Variants in METTL25 observed in about 807,000 individuals in gnomAD.
The protein encoded by METTL25 is probable methyltransferase-like protein 25.
A neutral mutation model predicts 71.6 loss-of-function variants in METTL25; 64 were observed. That is an observed-to-expected ratio of 0.89 (90% CI 0.73 to 1.10). METTL25 has a LOEUF of 1.10. Among genes scored for constraint, METTL25 ranks in the 50% least tolerant of loss-of-function variants. The probability of loss-of-function intolerance (pLI) is 0.00; values close to 1 mark genes in which losing one functional copy is unlikely to be tolerated. For missense variants in METTL25, 807 were observed against 707.0 expected (o/e 1.14, Z -1.60); for synonymous variants, 287 against 250.3 (o/e 1.15, Z -1.38).
rs778622172 is a variant in METTL25, at chr12:82,358,562, C to T, written c.-4C>T. 1.3e-5 allele frequency: 21 copies of T among 1,609,142 alleles called. No individual in the cohort carries two copies. The highest frequency in any genetic ancestry group is 3.3e-5 in the Admixed American group (2 of 59,988). On this transcript the variant is annotated 5_prime_UTR_variant, in exon 1 of 12. Coordinates refer to ENST00000248306, the MANE Select transcript of METTL25 (RefSeq NM_032230.3). ...GCCACCTACAGCCTCGGAGGGTGAG[C>T]GTCATGGCGGCTTCTTGCCCTCTCC... is the stretch of plus-strand genomic sequence containing the variant.
intron 8 of METTL25, among the ~76,000 whole-genome samples, chr12:82,455,885 A>G (rs1891457440): frequency 1.3e-5 from 2 of 151,920 alleles, no homozygotes; most frequent in South Asian, 4.1e-4. Flanking sequence ...GGTGAAGAAG[A>G]GAGACTTCAG....
intron 9 of METTL25, among the ~76,000 whole-genome samples, chr12:82,461,530 T>C (rs1041650144): frequency 3.3e-4 from 49 of 149,258 alleles, no homozygotes; most frequent in African/African-American, 1.2e-3. Flanking sequence ...GTCATACTTA[T>C]ATAACTTATT....
chr12:82,387,435 A>G (rs1292512466), intron 2 of METTL25, among the ~76,000 whole-genome samples: 1 of 152,088 alleles, frequency 6.6e-6, no homozygotes, highest in Admixed American at 6.6e-5. Flanking sequence ...AGCCATATCT[A>G]TAATAATATT....
intron 1 of METTL25, among the ~76,000 whole-genome samples, chr12:82,381,042 A>G (rs1884394597): frequency 1.3e-5 from 2 of 152,198 alleles, no homozygotes; most frequent in African/African-American, 4.8e-5. Flanking sequence ...CCTTCAATCC[A>G]TATTGAACAT....
chr12:82,372,741 A>C (rs1883368852), intron 1 of METTL25, among the ~76,000 whole-genome samples: 1 of 152,034 alleles, frequency 6.6e-6, no homozygotes, highest in Admixed American at 6.5e-5. Flanking sequence ...TTGGTGCCTG[A>C]GTGTTTCCCA....
chr12:82,376,781 A>G (rs761939126), intron 1 of METTL25, among the ~76,000 whole-genome samples: 31 of 152,128 alleles, frequency 2.0e-4, no homozygotes, highest in Non-Finnish European at 3.8e-4. Flanking sequence ...TACTTTTTGG[A>G]GGGGGAGAGT....
chr12:82,407,187 T>G (rs1286737909), intron 5 of METTL25, among the ~76,000 whole-genome samples: 1 of 152,146 alleles, frequency 6.6e-6, no homozygotes, highest in Non-Finnish European at 1.5e-5. Flanking sequence ...AAATCATTTT[T>G]GAGTCTTCTA....
chr12:82,387,401 T>C (rs1014625914), intron 2 of METTL25, among the ~76,000 whole-genome samples: 3 of 151,846 alleles, frequency 2.0e-5, no homozygotes, highest in African/African-American at 7.3e-5. Context: ...AAAACAAATA[T>C]GATAATGTGG....
intron 5 of METTL25, 56 bp downstream of exon 5, chr12:82,403,186 T>TCAA: frequency 1.3e-6 from 2 of 1,506,404 alleles, no homozygotes; most frequent in South Asian, 1.2e-5. Context: ...TGAAATATGC[T>TCAA]ATTTCTATTT....
At chr12:82,426,788 C>T (rs1889062824) in intron 5 of METTL25, among the ~76,000 whole-genome samples, 2 of 151,938 alleles carry the variant, frequency 1.3e-5, no homozygotes, top group African/African-American at 4.8e-5. Flanking sequence ...TCCCAGGAAT[C>T]CTGTGTTTCT....
At chr12:82,400,167 CAA>C (rs1045780599) in intron 4 of METTL25, among the ~76,000 whole-genome samples, 2 of 151,252 alleles carry the variant, frequency 1.3e-5, no homozygotes, top group Non-Finnish European at 2.9e-5. Context: ...ACTAAAAATA[CAA>C]AAAAAAATAT....
intron 8 of METTL25, 66 bp downstream of exon 8, chr12:82,438,857 C>G: frequency 7.2e-7 from 1 of 1,386,136 alleles, no homozygotes; most frequent in Non-Finnish European, 9.6e-7. Context: ...TTTTAGTCTT[C>G]AGGTGAATTT....
chr12:82,358,613 G>A lies in METTL25; in HGVS notation c.48G>A (p.Leu16=), dbSNP rs1248622123. The A allele has an allele frequency of 6.2e-7, 1 of 1,613,746 alleles. No homozygotes were observed. Among genetic ancestry groups the A allele is most frequent in the South Asian group, 1.1e-5 (1 of 91,090 alleles). The change falls in exon 1 of 12, where the codon CTG becomes CTA. Residue 16 remains leucine, a synonymous_variant. Transcript: ENST00000248306. The part of the protein sequence containing the change: ...PLPVTPDLPT[L]RAKLQGLLQF... ...CGGTGACCCCGGACCTGCCCACGCT[G>A]CGTGCCAAGTTGCAGGGACTGCTGC...
chr12:82,361,772 G>C (rs962497758), intron 1 of METTL25, among the ~76,000 whole-genome samples: 1 of 152,174 alleles, frequency 6.6e-6, no homozygotes, highest in Non-Finnish European at 1.5e-5. Context: ...AGCGTGGCGC[G>C]CAGCCCTGGT....
At chr12:82,429,376 GTT>G (rs60688459) in intron 5 of METTL25, among the ~76,000 whole-genome samples, 120,562 of 144,186 alleles carry the variant, frequency 0.84, 50,365 homozygotes, top group East Asian at 0.99. Context: ...CAAATGTAGG[GTT>G]TTTTTTTTTT....
chr12:82,476,650 G>T lies in METTL25; in HGVS notation c.1579G>T (p.Glu527Ter). The T allele has an allele frequency of 6.3e-7, 1 of 1,590,350 alleles. No individual in the cohort carries two copies. Residue 527 changes from glutamate (E) to a stop codon, truncating the protein, a stop_gained, in exon 10 of 12, where the codon GAA becomes TAA. Coordinates refer to ENST00000248306, the MANE Select transcript of METTL25 (RefSeq NM_032230.3). LOFTEE classifies it high-confidence loss of function. ...KLGLDESKLPEKIIMNYYEKY... is the reference protein window; with the variant it reads ...KLGLDESKLP Reference sequence around the variant, plus strand: ...GTTGTTTTTTATCTTGAAGCTGCCAGAAAAAATTATAATGAACTACTACGA... The same window carrying T: ...GTTGTTTTTTATCTTGAAGCTGCCATAAAAAATTATAATGAACTACTACGA...
At chr12:82,370,574 T>C (rs1170615566) in intron 1 of METTL25, among the ~76,000 whole-genome samples, 1 of 152,222 alleles carries the variant, frequency 6.6e-6, no homozygotes, top group East Asian at 1.9e-4. Context: ...CTTGGCGGTT[T>C]TGGACAGTCA....
intron 10 of METTL25, 143 bp from the exon 11 acceptor site, chr12:82,477,138 T>G: frequency 2.1e-6 from 1 of 471,156 alleles, no homozygotes; most frequent in Non-Finnish European, 3.8e-6. Flanking sequence ...AAATATTCAT[T>G]TTCTGAAGAT....
intron 9 of METTL25, among the ~76,000 whole-genome samples, chr12:82,470,644 G>A (rs1046271527): frequency 6.6e-6 from 1 of 152,116 alleles, no homozygotes; most frequent in Non-Finnish European, 1.5e-5. Flanking sequence ...TACATTGCAA[G>A]TATTATAGTG....
Sources: gnomAD v4.1 joint callset for allele counts (sites outside exome capture counted in the v4.1 genomes callset) on GRCh38, gnomAD v4.1.1 for gene constraint, MANE v1.5 for transcripts, NCBI Gene and HGNC (gene_info 2026-07-23, HGNC 2026-07-21) for gene names.